Variants in ATP10D observed in about 807,000 individuals in gnomAD.
ATP10D encodes ATPase phospholipid transporting 10D (putative).
Under a neutral mutation model 144.8 loss-of-function variants are expected in ATP10D, and 89 were observed. The ratio of observed to expected loss-of-function variants is 0.61; its 90% CI spans 0.52 to 0.73. ATP10D has a LOEUF of 0.73. ATP10D is among the 30% of genes least tolerant of loss of function. The pLI, the probability that ATP10D is intolerant of heterozygous loss-of-function variation, is 0.00. For missense variants in ATP10D, 1,603 were observed against 1,714.8 expected, an observed-to-expected ratio of 0.93 and a Z score of 1.15; for synonymous variants, 571 against 615.1, an observed-to-expected ratio of 0.93 and a Z score of 1.06.
chr4:47,535,383 AT>A, intron 5 of ATP10D, 125 bp from the exon 6 acceptor site: 1 of 671,294 alleles, frequency 1.5e-6, no homozygotes, highest in East Asian at 3.1e-5. Context: ...TGGGCCAGAG[AT>A]TTGAAAACTT....
At chr4:47,557,342 T>C (rs1226758003) in intron 11 of ATP10D, among the ~76,000 whole-genome samples, 1 of 152,098 alleles carries the variant, frequency 6.6e-6, no homozygotes. Flanking sequence ...TAACATTTTA[T>C]GTCTTTTATT....
rs34643518 is a variant in ATP10D at position 47,495,737 on chromosome 4, C to CT, written c.-38+10235dup. ...AGTCATTAACAATTCTTTTAAGCAACTTTTTTTTTTTTTTTTTGAAATGCA... is the reference window on the plus strand; with the variant it reads ...AGTCATTAACAATTCTTTTAAGCAACTTTTTTTTTTTTTTTTTTGAAATGCA... On this transcript the variant is annotated intron_variant, in intron 1 of 22. Coordinates refer to ENST00000273859, the MANE Select transcript of ATP10D (RefSeq NM_020453.4). Among the ~76,000 whole-genome samples the CT allele has an allele frequency of 4.6e-3, 648 of 141,528 alleles. 2 individuals carry two copies. The highest frequency in any genetic ancestry group is 0.015 in the Middle Eastern group (4 of 270). 92.8% of individuals were successfully genotyped at this position (141,528 alleles called of 152,430 possible).
intron 1 of ATP10D, among the ~76,000 whole-genome samples, chr4:47,510,046 G>T (rs1716238438): frequency 1.3e-5 from 2 of 151,090 alleles, no homozygotes; most frequent in African/African-American, 4.9e-5. Context: ...CATTTCAAAA[G>T]CCTCTGATCT....
intron 1 of ATP10D, among the ~76,000 whole-genome samples, chr4:47,493,627 A>G (rs541455648): frequency 6.6e-6 from 1 of 152,224 alleles, no homozygotes; most frequent in Non-Finnish European, 1.5e-5. Flanking sequence ...ATCTGCATTC[A>G]TTAATTAAAA....
chr4:47,548,489 C>T (rs1362704021), intron 10 of ATP10D, among the ~76,000 whole-genome samples: 1 of 152,172 alleles, frequency 6.6e-6, no homozygotes, highest in Non-Finnish European at 1.5e-5. Context: ...GGCAATCCAC[C>T]ATTAACTCCC....
At chr4:47,587,336 G>C (rs1158574829) in intron 22 of ATP10D, 130 bp downstream of exon 22, 4 of 828,110 alleles carry the variant, frequency 4.8e-6, no homozygotes, top group Middle Eastern at 2.5e-4. Context: ...TTGTGTCCTA[G>C]TTAAAATATT....
At position 47,557,815 on chromosome 4, in the gene ATP10D, G is replaced by C. The variant is rs1214277373; in HGVS notation, c.1976G>C (p.Arg659Thr). The C allele has an allele frequency of 1.9e-6, 3 of 1,614,216 alleles. No homozygotes were observed. ...GGAGTTCCAAACGCCTTTGTGAGCA[G>C]ACTCCCTCTCTTTAGTCGAATGAAA... ...SSGVPNAFVS[R>T]LPLFSRMKPA... Residue 659 changes from arginine (R) to threonine (T), a missense_variant, in exon 12 of 23, where the codon AGA becomes ACA. Transcript: ENST00000273859.
chr4:47,493,490 A>G (rs980393242), intron 1 of ATP10D, among the ~76,000 whole-genome samples: 1 of 152,238 alleles, frequency 6.6e-6, no homozygotes, highest in Admixed American at 6.5e-5. Context: ...GTCCAACTGT[A>G]TGCTAATATA....
intron 9 of ATP10D, among the ~76,000 whole-genome samples, chr4:47,540,474 G>T (rs1455470800): frequency 6.6e-6 from 1 of 152,050 alleles, no homozygotes; most frequent in Non-Finnish European, 1.5e-5. Context: ...ATCCCCAGGT[G>T]ATTAATATGC....
chr4:47,577,099 T>C, intron 19 of ATP10D, 126 bp downstream of exon 19: 1 of 829,562 alleles, frequency 1.2e-6, no homozygotes, highest in Non-Finnish European at 1.9e-6. Context: ...TTTTAAAAGA[T>C]CTCTACTTAT....
At chr4:47,522,612 C>T (rs1166005129) in intron 3 of ATP10D, among the ~76,000 whole-genome samples, 1 of 152,186 alleles carries the variant, frequency 6.6e-6, no homozygotes, top group East Asian at 1.9e-4. Context: ...CTCTGTCGCC[C>T]AAGCTGGAGT....
chr4:47,542,930 C>T (rs10938490), intron 9 of ATP10D, among the ~76,000 whole-genome samples: 40,894 of 152,018 alleles, frequency 0.27, 5,541 homozygotes, highest in Admixed American at 0.33. Context: ...AGTTGCATGA[C>T]GACTGATTTC....
At chr4:47,586,373 G>A (rs1313462507) in intron 21 of ATP10D, among the ~76,000 whole-genome samples, 1 of 152,248 alleles carries the variant, frequency 6.6e-6, no homozygotes, top group Non-Finnish European at 1.5e-5. Context: ...TGATATTCCA[G>A]ACAGCTCTAG....
intron 15 of ATP10D, among the ~76,000 whole-genome samples, chr4:47,566,139 G>A (rs986431348): frequency 3.9e-5 from 6 of 152,180 alleles, no homozygotes; most frequent in South Asian, 2.1e-4. Context: ...TTCTAAGCAG[G>A]CAATGTGGCA....
At chr4:47,577,770 T>C (rs1460373129) in intron 19 of ATP10D, among the ~76,000 whole-genome samples, 1 of 152,198 alleles carries the variant, frequency 6.6e-6, no homozygotes, top group Middle Eastern at 3.2e-3. Context: ...GAAGGGGTCC[T>C]TATAATCCTC....
At chr4:47,572,267 GA>G in intron 17 of ATP10D, 37 bp downstream of exon 17, 1 of 1,568,600 alleles carries the variant, frequency 6.4e-7, no homozygotes, top group Non-Finnish European at 8.8e-7. Flanking sequence ...CTGTGGCCTT[GA>G]CCTGCCCATC....
intron 3 of ATP10D, among the ~76,000 whole-genome samples, chr4:47,522,343 G>A (rs1716990127): frequency 6.6e-6 from 1 of 152,128 alleles, no homozygotes; most frequent in Non-Finnish European, 1.5e-5. Flanking sequence ...TCAGATCCTT[G>A]GTATCTGACC....
At chr4:47,558,773 G>A in intron 12 of ATP10D, 150 bp from the exon 13 acceptor site, 1 of 619,508 alleles carries the variant, frequency 1.6e-6, no homozygotes. Flanking sequence ...TATTCTGAGT[G>A]GTCCCTTTTA....
At chr4:47,541,921 T>C (rs1718153479) in intron 9 of ATP10D, among the ~76,000 whole-genome samples, 1 of 152,112 alleles carries the variant, frequency 6.6e-6, no homozygotes, top group Admixed American at 6.5e-5. Context: ...ACTTTGTAAG[T>C]TTTTTCTTAT....
Sources: allele counts gnomAD v4.1 joint callset (sites outside exome capture counted in the v4.1 genomes callset), GRCh38; gene constraint gnomAD v4.1.1; transcripts MANE v1.5; gene names NCBI Gene and HGNC (gene_info 2026-07-23, HGNC 2026-07-21).